The following ADNP2 variants were observed in gnomAD, a reference collection of about 807,000 sequenced individuals.
The protein encoded by ADNP2 is ADNP homeobox 2, also known as activity-dependent neuroprotector homeobox protein 2.
A neutral mutation model predicts 16.4 loss-of-function variants in ADNP2; 8 were observed. That is an observed-to-expected ratio of 0.49 (90% CI 0.29 to 0.88). The LOEUF is 0.88. ADNP2 is among the 40% of genes least tolerant of loss of function. ADNP2 has a pLI of 0.09. For synonymous variants in ADNP2, 637 were observed against 545.8 expected (o/e 1.17, Z -2.33); for missense variants, 1,397 against 1,395.1 (o/e 1.00, Z -0.02).
intron 2 of ADNP2, among the ~76,000 whole-genome samples, chr18:80,125,526 C>T (rs1434973212): frequency 6.6e-6 from 1 of 152,038 alleles, no homozygotes; most frequent in African/African-American, 2.4e-5. Flanking sequence ...GCCTGTAGTC[C>T]CAGCTACTCA....
intron 2 of ADNP2, among the ~76,000 whole-genome samples, chr18:80,126,194 T>G (rs1040999716): frequency 1.3e-5 from 2 of 152,192 alleles, no homozygotes; most frequent in African/African-American, 4.8e-5. Context: ...ATACTACTAC[T>G]TCTTCTACAG....
At chr18:80,115,590 CCTTTTTAGATATTGTTTTAAACAG>C (rs2052384009) in intron 1 of ADNP2, among the ~76,000 whole-genome samples, 1 of 152,146 alleles carries the variant, frequency 6.6e-6, no homozygotes, top group Non-Finnish European at 1.5e-5. Flanking sequence ...TAATTTTGTG[CCTTTTTAGATATTGTTTTAAACAG>C]CTTGAGATAT....
intron 2 of ADNP2, among the ~76,000 whole-genome samples, 174 bp downstream of exon 2, chr18:80,117,824 G>T (rs1053443178): frequency 2.6e-5 from 4 of 152,160 alleles, no homozygotes; most frequent in African/African-American, 4.8e-5. Context: ...TATTTAAGCT[G>T]TTCAGGTTTT....
In ADNP2 at chr18:80,136,688, C is replaced by A; in HGVS notation, c.1275C>A (p.Val425=). ...GTGTTCTTCCTGTGAGCCCCTCTGT[C>A]ACCCCTGGGGTCCTGCAGGCTGTCT... ...GPGVLPVSPS[V]TPGVLQAVSP... Residue 425 remains valine (V), a synonymous_variant, in exon 4 of 4, where the codon GTC becomes GTA. Transcript: ENST00000262198. The A allele has an allele frequency of 6.2e-7, 1 of 1,613,262 alleles. No individual in the cohort carries two copies. The highest frequency in any genetic ancestry group is 1.1e-5 in the South Asian group (1 of 90,990).
chr18:80,135,410 G>C (rs1599821296), intron 3 of ADNP2, among the ~76,000 whole-genome samples: 1 of 152,166 alleles, frequency 6.6e-6, no homozygotes, highest in South Asian at 2.1e-4. Flanking sequence ...CACAGAGACT[G>C]TACTGTATGG....
chr18:80,133,362 G>A (rs1460315536), intron 3 of ADNP2, among the ~76,000 whole-genome samples, 170 bp downstream of exon 3: 1 of 152,174 alleles, frequency 6.6e-6, no homozygotes, highest in East Asian at 1.9e-4. Context: ...GTGTGGTCAG[G>A]CAGGGTTACT....
chr18:80,128,464 A>G (rs899861699), intron 2 of ADNP2, among the ~76,000 whole-genome samples: 16 of 152,280 alleles, frequency 1.1e-4, no homozygotes, highest in East Asian at 7.7e-4. Context: ...AGCCTGGCCA[A>G]CATGGTGAAA....
At chr18:80,128,889 A>C (rs570918056) in intron 2 of ADNP2, among the ~76,000 whole-genome samples, 1 of 152,128 alleles carries the variant, frequency 6.6e-6, no homozygotes, top group Non-Finnish European at 1.5e-5. Context: ...TTAAAATGCC[A>C]CATTTCTGTC....
At chr18:80,119,300 C>T (rs1441225033) in intron 2 of ADNP2, among the ~76,000 whole-genome samples, 1 of 151,668 alleles carries the variant, frequency 6.6e-6, no homozygotes, top group East Asian at 1.9e-4. Context: ...TATTGGAAGC[C>T]TCTTGGGGGG....
At position 80,137,070 on chromosome 18, in the gene ADNP2, G is replaced by A; in HGVS notation, c.1657G>A (p.Val553Ile). 6.2e-7 allele frequency: 1 copy of A among 1,614,172 alleles called. No homozygotes were observed. The highest frequency in any genetic ancestry group is 1.3e-5 in the African/African-American group (1 of 75,062). Residue 553 changes from valine to isoleucine, a missense_variant, in exon 4 of 4, where the codon GTT becomes ATT. Around this residue, in one of 3 missense-constraint regions of ADNP2, gnomAD observed 777 missense variants for 719.4 expected, o/e 1.08. Coordinates refer to ENST00000262198, the MANE Select transcript of ADNP2 (RefSeq NM_014913.4). This position sits in a 1 kb window ranked among gnomAD's most constrained non-coding sequence, Gnocchi z 4.2. ...GCTTAGTCAGCCTGTTGTGTCGGGA[G>A]TTCTTCCTGTGGGCCAGCCAGTGAG... ...LQLSQPVVSG[V>I]LPVGQPVRPG... is the part of the protein sequence containing the mutation.
At chr18:80,129,837 T>G (rs967762781) in intron 2 of ADNP2, among the ~76,000 whole-genome samples, 1 of 152,174 alleles carries the variant, frequency 6.6e-6, no homozygotes, top group African/African-American at 2.4e-5. Flanking sequence ...GTAGTTTTAT[T>G]TGGGGGCTTG....
At position 80,138,947 on chromosome 18, in the gene ADNP2, G is replaced by A; in HGVS notation, c.*138G>A. 2.7e-6 allele frequency: 2 copies of A among 736,594 alleles called. No homozygotes were observed. Among genetic ancestry groups the A allele is most frequent in the Non-Finnish European group, 4.0e-6 (2 of 502,788 alleles). 45.6% of individuals were successfully genotyped at this position (736,594 alleles called of 1,614,324 possible). On this transcript the variant is annotated 3_prime_UTR_variant, in exon 4 of 4. Transcript: ENST00000262198. ...GCTGCTCTGCAGAGTTACTTCAGGT[G>A]CTGGAGAGACCCCTGTTACCAGGAA...
intron 2 of ADNP2, among the ~76,000 whole-genome samples, chr18:80,119,660 G>T (rs936597974): frequency 2.0e-5 from 3 of 152,142 alleles, no homozygotes; most frequent in African/African-American, 7.2e-5. Context: ...GTAAGCCCTA[G>T]GAAAGGTAGA....
At chr18:80,129,985 T>C (rs1023654661) in intron 2 of ADNP2, among the ~76,000 whole-genome samples, 15 of 152,240 alleles carry the variant, frequency 9.9e-5, no homozygotes, top group Admixed American at 3.9e-4. Context: ...AGGATAGTTT[T>C]ATCCTTTCCT....
In ADNP2 at chr18:80,117,595, A is replaced by G; in HGVS notation, c.53A>G (p.Lys18Arg). 3 of 1,605,122 alleles carry G rather than the reference A, an allele frequency of 1.9e-6. No homozygotes were observed. The highest frequency in any genetic ancestry group is 1.8e-5 in the Admixed American group (1 of 57,112). Residue 18 changes from lysine (K) to arginine (R), a missense_variant, in exon 2 of 4, where the codon AAG becomes AGG. This residue lies in a region of ADNP2 where 777 missense variants were observed against 719.4 expected (regional missense o/e 1.08). Coordinates refer to ENST00000262198, the MANE Select transcript of ADNP2 (RefSeq NM_014913.4). ...NLDNIRKVRK[K>R]VKGILVDIGL... ...GACAACATCAGAAAGGTGCGAAAAA[A>G]GGTGAAAGGTATTCTTGTGGATATT... is the stretch of plus-strand genomic sequence containing the variant.
At chr18:80,115,737 C>T (rs1382305998) in intron 1 of ADNP2, among the ~76,000 whole-genome samples, 1 of 152,186 alleles carries the variant, frequency 6.6e-6, no homozygotes, top group East Asian at 1.9e-4. Context: ...AGCCCTGCTT[C>T]CATCACTTCC....
intron 2 of ADNP2, among the ~76,000 whole-genome samples, chr18:80,119,041 T>C (rs984678921): frequency 2.0e-5 from 3 of 152,146 alleles, no homozygotes; most frequent in African/African-American, 7.2e-5. Flanking sequence ...TACCCTGAAA[T>C]ATCCAGAATT....
intron 1 of ADNP2, among the ~76,000 whole-genome samples, chr18:80,110,449 A>G (rs1251278054): frequency 6.6e-6 from 1 of 152,136 alleles, no homozygotes; most frequent in Non-Finnish European, 1.5e-5. Context: ...ACTGGTAAGC[A>G]GGTAACTGAC....
At chr18:80,121,546 A>G (rs772815105) in intron 2 of ADNP2, among the ~76,000 whole-genome samples, 1 of 152,124 alleles carries the variant, frequency 6.6e-6, no homozygotes, top group African/African-American at 2.4e-5. Flanking sequence ...GATGAAGTCC[A>G]ATTTATCTAT....
Sources: gnomAD v4.1 joint callset for allele counts (sites outside exome capture counted in the v4.1 genomes callset) on GRCh38, gnomAD v4.1.1 for gene constraint, gnomAD v4.1.1 regional missense constraint, Gnocchi (gnomAD v3.1) non-coding constraint, MANE v1.5 for transcripts, NCBI Gene and HGNC (gene_info 2026-07-23, HGNC 2026-07-21) for gene names.